The following UHRF2 variants were observed in gnomAD, a reference collection of about 807,000 sequenced individuals.
UHRF2 encodes ubiquitin like with PHD and ring finger domains 2, also known as E3 ubiquitin-protein ligase UHRF2.
Under a neutral mutation model 96.8 loss-of-function variants are expected in UHRF2, and 23 were observed. That is an observed-to-expected ratio of 0.24 (90% CI 0.17 to 0.34). UHRF2 has a LOEUF of 0.34. UHRF2 is among the 10% of genes least tolerant of loss of function. The pLI is 1.00. For synonymous variants in UHRF2, 385 were observed against 332.6 expected, an observed-to-expected ratio of 1.16 and a Z score of -1.72; for missense variants, 685 against 981.5, an observed-to-expected ratio of 0.70 and a Z score of 4.04.
chr9:6,441,887 C>T (rs955997287), intron 3 of UHRF2, among the ~76,000 whole-genome samples: 7 of 152,028 alleles, frequency 4.6e-5, no homozygotes, highest in Non-Finnish European at 8.8e-5. Context: ...ATTAATTTTT[C>T]ATAGAAATTA....
At chr9:6,473,137 C>T (rs997849176) in intron 4 of UHRF2, among the ~76,000 whole-genome samples, 1 of 152,148 alleles carries the variant, frequency 6.6e-6, no homozygotes, top group Non-Finnish European at 1.5e-5. Context: ...AATATCTTGT[C>T]ATGCAAATAA....
At chr9:6,490,814 G>T (rs1298282275) in intron 9 of UHRF2, among the ~76,000 whole-genome samples, 8 of 152,070 alleles carry the variant, frequency 5.3e-5, no homozygotes, top group Admixed American at 5.2e-4. Flanking sequence ...TGACATATAG[G>T]CCTTGATTGA....
At chr9:6,445,970 C>CCT (rs942752968) in intron 3 of UHRF2, among the ~76,000 whole-genome samples, 2 of 137,658 alleles carry the variant, frequency 1.5e-5, no homozygotes, top group East Asian at 2.4e-4. Context: ...TACTCTTCCC[C>CCT]CCCCGCCACC....
At chr9:6,427,452 C>T (rs778479331) in intron 2 of UHRF2, among the ~76,000 whole-genome samples, 2 of 152,016 alleles carry the variant, frequency 1.3e-5, no homozygotes, top group Non-Finnish European at 2.9e-5. Flanking sequence ...TTTGGGAGGT[C>T]GAGGCAGGCA....
intron 4 of UHRF2, among the ~76,000 whole-genome samples, chr9:6,463,547 T>TGCAAC (rs978795532): frequency 1.3e-5 from 2 of 151,404 alleles, no homozygotes; most frequent in Non-Finnish European, 2.9e-5. Flanking sequence ...CCCGGCTCAC[T>TGCAAC]GCAACCTCCG....
chr9:6,475,721 T>G (rs898914982), intron 5 of UHRF2, among the ~76,000 whole-genome samples: 8 of 152,190 alleles, frequency 5.3e-5, no homozygotes, highest in Non-Finnish European at 1.2e-4. Context: ...GGTATTTTAT[T>G]GCTATTATTT....
chr9:6,504,215 T>C, intron 14 of UHRF2: 1 of 154,662 alleles, frequency 6.5e-6, no homozygotes, highest in Non-Finnish European at 1.4e-5. Context: ...TTAGTAGCGA[T>C]GGGGTTTCAC....
At chr9:6,489,797 G>T (rs1023644988) in intron 9 of UHRF2, among the ~76,000 whole-genome samples, 1 of 139,346 alleles carries the variant, frequency 7.2e-6, no homozygotes, top group Admixed American at 7.4e-5. Flanking sequence ...TTCATGGATT[G>T]TTACAAAGAT....
chr9:6,434,888 C>T (rs1009825215), intron 3 of UHRF2, among the ~76,000 whole-genome samples: 2 of 151,916 alleles, frequency 1.3e-5, no homozygotes, highest in Admixed American at 1.3e-4. Context: ...TGGAGTACAG[C>T]AATGTGATCC....
intron 3 of UHRF2, among the ~76,000 whole-genome samples, chr9:6,441,083 G>C (rs1421995921): frequency 6.6e-6 from 1 of 152,170 alleles, no homozygotes; most frequent in East Asian, 1.9e-4. Context: ...CCACGTGTTA[G>C]AAATGCAAAT....
At chr9:6,459,716 G>T (rs1217496694) in intron 3 of UHRF2, among the ~76,000 whole-genome samples, 5 of 152,212 alleles carry the variant, frequency 3.3e-5, no homozygotes, top group Non-Finnish European at 5.9e-5. Flanking sequence ...GCTCATGCCG[G>T]TAGTCCCAGT....
chr9:6,468,095 T>C (rs1002399965), intron 4 of UHRF2, among the ~76,000 whole-genome samples: 7 of 152,214 alleles, frequency 4.6e-5, no homozygotes, highest in African/African-American at 1.7e-4. Context: ...TTCAGTCTAG[T>C]TTCTTTTTTA....
chr9:6,435,725 G>T (rs1820805637), intron 3 of UHRF2, among the ~76,000 whole-genome samples: 3 of 152,114 alleles, frequency 2.0e-5, no homozygotes. Context: ...TGCTACCTCA[G>T]CCTCCTGAGT....
At chr9:6,463,232 G>C (rs1279397863) in intron 4 of UHRF2, among the ~76,000 whole-genome samples, 1 of 151,934 alleles carries the variant, frequency 6.6e-6, no homozygotes, top group Non-Finnish European at 1.5e-5. Flanking sequence ...CGTGAGCTGA[G>C]GTCATGCCAT....
chr9:6,414,797 G>A (rs1299559107), intron 1 of UHRF2, among the ~76,000 whole-genome samples: 5 of 152,198 alleles, frequency 3.3e-5, no homozygotes, highest in African/African-American at 4.8e-5. Flanking sequence ...TACACTTTGG[G>A]AAGGAGAGAG....
In UHRF2 at chr9:6,420,321, C is replaced by T. The variant is rs932619327; in HGVS notation, c.154-591C>T. 2.6e-5 allele frequency among the ~76,000 whole-genome samples: 4 copies of T among 151,722 alleles called. No individual in the cohort carries two copies. The East Asian group carries it at 7.9e-4, about 30-fold the overall frequency. ...CTGCTCTTTTCGGCCTCCCAAAGTA[C>T]TGAGATTACAGGCGTGAGCCACCGC... On this transcript the variant is annotated intron_variant, in intron 1 of 15. Coordinates refer to ENST00000276893, the MANE Select transcript of UHRF2 (RefSeq NM_152896.3).
chr9:6,481,960 T>C, intron 7 of UHRF2, 32 bp from the exon 8 acceptor site: 4 of 1,604,240 alleles, frequency 2.5e-6, no homozygotes, highest in Non-Finnish European at 3.4e-6. Context: ...TTAACATAAC[T>C]GATTTCTCAA....
At chr9:6,413,792 G>C (rs994704232) in intron 1 of UHRF2, 149 bp downstream of exon 1, 2 of 1,023,764 alleles carry the variant, frequency 2.0e-6, no homozygotes, top group East Asian at 3.3e-5. Context: ...GGCGCGGGGT[G>C]CGGGGCCCAG....
rs1011946026 is a variant in UHRF2, at chr9:6,453,837, G to A, written c.645-6736G>A. Among the ~76,000 whole-genome samples the A allele has an allele frequency of 5.3e-5, 8 of 152,112 alleles. No homozygotes were observed. In the East Asian group the frequency reaches 5.8e-4, roughly 11 times the overall value. On this transcript the variant is annotated intron_variant, in intron 3 of 15. Coordinates refer to ENST00000276893, the MANE Select transcript of UHRF2 (RefSeq NM_152896.3). ...GGAGAATCGCTTGGACCCAGGAGGC[G>A]GAGGTTACACTGAGCTGAGATCATG...
Sources: gnomAD v4.1 joint callset for allele counts (sites outside exome capture counted in the v4.1 genomes callset) on GRCh38, gnomAD v4.1.1 for gene constraint, MANE v1.5 for transcripts, NCBI Gene and HGNC (gene_info 2026-07-23, HGNC 2026-07-21) for gene names.